The following ANKRD17 variants were observed in gnomAD, a reference collection of about 807,000 sequenced individuals.
The protein encoded by ANKRD17 is ankyrin repeat domain 17, also known as ankyrin repeat domain-containing protein 17.
ANKRD17 carries 19 observed loss-of-function variants against 229.7 expected under a neutral mutation model. The observed-to-expected ratio is 0.08, with a 90% CI of 0.06 to 0.12. ANKRD17 has a LOEUF of 0.12. ANKRD17 is among the 10% of genes least tolerant of loss of function. The probability of loss-of-function intolerance (pLI) is 1.00; values close to 1 mark genes in which losing one functional copy is unlikely to be tolerated. For synonymous variants in ANKRD17, 1,112 were observed against 1,146.1 expected, an observed-to-expected ratio of 0.97 and a Z score of 0.60; for missense variants, 2,176 against 3,176.8, an observed-to-expected ratio of 0.68 and a Z score of 7.57.
intron 30 of ANKRD17, among the ~76,000 whole-genome samples, chr4:73,084,292 C>T (rs1388401137): frequency 6.6e-6 from 1 of 151,966 alleles, no homozygotes; most frequent in Admixed American, 6.6e-5. Flanking sequence ...GTGGGAGAAT[C>T]GCTTGAGCCA....
chr4:73,253,083 G>C (rs1433988751), intron 1 of ANKRD17, among the ~76,000 whole-genome samples: 2 of 152,188 alleles, frequency 1.3e-5, no homozygotes, highest in Non-Finnish European at 2.9e-5. Context: ...GAATCTAACA[G>C]TCCCAGGTTC....
At chr4:73,242,930 A>G (rs1368652426) in intron 1 of ANKRD17, among the ~76,000 whole-genome samples, 1 of 152,180 alleles carries the variant, frequency 6.6e-6, no homozygotes, top group Admixed American at 6.5e-5. Flanking sequence ...AGTGCAACTT[A>G]CTCAGTTAAG....
intron 3 of ANKRD17, among the ~76,000 whole-genome samples, chr4:73,158,894 G>A (rs1036059298): frequency 6.6e-6 from 1 of 152,226 alleles, no homozygotes; most frequent in Non-Finnish European, 1.5e-5. Flanking sequence ...GCTCTCACCA[G>A]ATGCAGCCCC....
At chr4:73,160,357 T>G (rs1435033591) in intron 3 of ANKRD17, among the ~76,000 whole-genome samples, 1 of 152,064 alleles carries the variant, frequency 6.6e-6, no homozygotes, top group Non-Finnish European at 1.5e-5. Context: ...TAGCGGGGAT[T>G]GCAGGCGTGC....
In ANKRD17 at chr4:73,148,899, T is replaced by A. The variant is rs1385525682; in HGVS notation, c.1481A>T (p.Glu494Val). The A allele has an allele frequency of 6.2e-7, 1 of 1,613,962 alleles. No individual in the cohort carries two copies. Among genetic ancestry groups the A allele is most frequent in the Non-Finnish European group, 8.5e-7 (1 of 1,179,950 alleles). Reference protein sequence around the residue: ...ALLIERGASLEEVNDEGYTPL... With the variant: ...ALLIERGASLVEVNDEGYTPL... ...TGTATAACCTTCATCATTGACCTCTTCCAGGCTAGCTCCTCTTTCAATAAG... is the reference window on the plus strand; with the variant it reads ...TGTATAACCTTCATCATTGACCTCTACCAGGCTAGCTCCTCTTTCAATAAG... Residue 494 changes from glutamate (E) to valine (V), a missense_variant, in exon 8 of 34, where the codon GAA becomes GTA. Physicochemically the swap from Glu to Val is moderately radical, Grantham distance 121 (BLOSUM62 -2). Around this residue, in one of 18 missense-constraint regions of ANKRD17, gnomAD observed 42 missense variants for 141.3 expected, o/e 0.30. Coordinates refer to ENST00000358602, the MANE Select transcript of ANKRD17 (RefSeq NM_032217.5).
At chr4:73,203,709 A>C (rs1431822861) in intron 1 of ANKRD17, among the ~76,000 whole-genome samples, 3 of 145,224 alleles carry the variant, frequency 2.1e-5, no homozygotes, top group Non-Finnish European at 3.0e-5. Flanking sequence ...CAGTGAGTCG[A>C]GATCACGCCA....
intron 1 of ANKRD17, among the ~76,000 whole-genome samples, chr4:73,199,382 AG>A (rs1447228883): frequency 6.6e-6 from 1 of 152,160 alleles, no homozygotes; most frequent in Non-Finnish European, 1.5e-5. Flanking sequence ...CCTCCCAGCA[AG>A]AATTTAGCTG....
chr4:73,198,263 T>A (rs1205155519), intron 1 of ANKRD17, among the ~76,000 whole-genome samples: 1 of 152,194 alleles, frequency 6.6e-6, no homozygotes, highest in African/African-American at 2.4e-5. Flanking sequence ...AAAATAATCA[T>A]CATTTAATTG....
intron 3 of ANKRD17, among the ~76,000 whole-genome samples, chr4:73,158,560 A>AC (rs1392056339): frequency 5.4e-5 from 7 of 129,776 alleles, no homozygotes; most frequent in Non-Finnish European, 1.3e-4. Flanking sequence ...TGACCACGCT[A>AC]TTAAAAAATG....
intron 29 of ANKRD17, among the ~76,000 whole-genome samples, chr4:73,088,888 T>A (rs1305027956): frequency 6.6e-6 from 1 of 152,180 alleles, no homozygotes; most frequent in African/African-American, 2.4e-5. Context: ...GCAGGTCACA[T>A]GGTCTCTGTC....
At chr4:73,255,239 C>T in intron 1 of ANKRD17, among the ~76,000 whole-genome samples, 1 of 152,282 alleles carries the variant, frequency 6.6e-6, no homozygotes, top group East Asian at 1.9e-4. Context: ...TTAAATGAAG[C>T]TCTTATTTGA....
At chr4:73,106,827 C>A (rs541588861) in intron 24 of ANKRD17, among the ~76,000 whole-genome samples, 2 of 146,760 alleles carry the variant, frequency 1.4e-5, no homozygotes, top group East Asian at 4.1e-4. Context: ...TGCAGTGAGC[C>A]GAGATTGCGC....
intron 1 of ANKRD17, among the ~76,000 whole-genome samples, chr4:73,241,272 A>G (rs1364107384): frequency 2.0e-5 from 3 of 152,192 alleles, no homozygotes; most frequent in African/African-American, 7.2e-5. Flanking sequence ...TTAAGTTCCT[A>G]TTCCCCTCAA....
intron 1 of ANKRD17, among the ~76,000 whole-genome samples, chr4:73,194,960 A>T: frequency 6.6e-6 from 1 of 152,122 alleles, no homozygotes; most frequent in Non-Finnish European, 1.5e-5. Flanking sequence ...CGTTTTTAAA[A>T]TTTCATTTTC....
intron 2 of ANKRD17, among the ~76,000 whole-genome samples, chr4:73,164,599 TG>T (rs980204359): frequency 3.8e-4 from 58 of 152,282 alleles, no homozygotes; most frequent in African/African-American, 1.3e-3. Flanking sequence ...GAGATCAGCC[TG>T]GGCAACATGG....
At chr4:73,095,776 A>G (rs1350911576) in intron 27 of ANKRD17, among the ~76,000 whole-genome samples, 1 of 152,000 alleles carries the variant, frequency 6.6e-6, no homozygotes, top group South Asian at 2.1e-4. Flanking sequence ...TGCAGCCTCA[A>G]ACTCCTGGGC....
chr4:73,096,755 A>G (rs1032683405), intron 27 of ANKRD17, among the ~76,000 whole-genome samples: 5 of 152,242 alleles, frequency 3.3e-5, no homozygotes, highest in Non-Finnish European at 7.3e-5. Context: ...TATGATTTAA[A>G]GACAACAGTT....
intron 28 of ANKRD17, among the ~76,000 whole-genome samples, chr4:73,092,884 C>A (rs911038396): frequency 2.6e-5 from 4 of 152,050 alleles, no homozygotes; most frequent in African/African-American, 9.7e-5. Flanking sequence ...TAAAATGATG[C>A]AGGAATCCTG....
At chr4:73,104,133 A>C (rs1302037061) in intron 24 of ANKRD17, 1 of 152,226 alleles carries the variant, frequency 6.6e-6, no homozygotes, top group African/African-American at 2.4e-5. Context: ...CTAAAGATAC[A>C]GAAACTGCCT....
Sources: gnomAD v4.1 joint callset for allele counts (sites outside exome capture counted in the v4.1 genomes callset) on GRCh38, gnomAD v4.1.1 for gene constraint, gnomAD v4.1.1 regional missense constraint, MANE v1.5 for transcripts, NCBI Gene and HGNC (gene_info 2026-07-23, HGNC 2026-07-21) for gene names.